KLF17: variants seen among roughly 807,000 people sequenced by gnomAD.
The protein encoded by KLF17 is Krueppel-like factor 17.
A neutral mutation model predicts 34.2 loss-of-function variants in KLF17; 31 were observed. The observed-to-expected ratio is 0.91, with a 90% CI of 0.68 to 1.22. KLF17 has a LOEUF of 1.22. Among genes scored for constraint, KLF17 ranks in the 50% most tolerant of loss-of-function variants. The probability of loss-of-function intolerance (pLI) is 0.00; values close to 1 mark genes in which losing one functional copy is unlikely to be tolerated. For missense variants in KLF17, 478 were observed against 505.2 expected (o/e 0.95, Z 0.52); for synonymous variants, 179 against 186.7 (o/e 0.96, Z 0.34).
At chr1:44,084,061 C>A in the KLF17 span, among the ~76,000 whole-genome samples, 1 of 152,232 alleles carries the variant, frequency 6.6e-6, no homozygotes, top group Non-Finnish European at 1.5e-5. Context: ...TTGTGAATAT[C>A]TAGCAAAATC....
At chr1:44,092,043 A>AC in the KLF17 span, among the ~76,000 whole-genome samples, 1 of 150,948 alleles carries the variant, frequency 6.6e-6, no homozygotes, top group Non-Finnish European at 1.5e-5. Context: ...AAAAAAAAAA[A>AC]AAAAAACTTG....
rs562435448 is a variant in KLF17, at chr1:44,130,206, G to T, written c.925+10G>T. ...CAGCGCAAGCACACAGGTGAAGGAGGTGTCAGGTGGGGTGGGGATGGAGGA... is the reference window on the plus strand; with the variant it reads ...CAGCGCAAGCACACAGGTGAAGGAGTTGTCAGGTGGGGTGGGGATGGAGGA... On this transcript the variant is annotated intron_variant, in intron 2 of 3. Transcript: ENST00000372299. The T allele has an allele frequency of 2.8e-5, 44 of 1,599,368 alleles. No homozygotes were observed. Among genetic ancestry groups the T allele is most frequent in the Non-Finnish European group, 3.5e-5 (41 of 1,172,142 alleles).
At chr1:44,131,376 T>A (rs1468566558) in intron 3 of KLF17, among the ~76,000 whole-genome samples, 2 of 152,154 alleles carry the variant, frequency 1.3e-5, no homozygotes, top group Admixed American at 6.6e-5. Context: ...TTAAAACCCT[T>A]TAGTGACTCC....
the KLF17 span, among the ~76,000 whole-genome samples, chr1:44,048,834 T>C: frequency 6.6e-6 from 1 of 152,322 alleles, no homozygotes; most frequent in East Asian, 1.9e-4. Flanking sequence ...TCTTTGTTTT[T>C]ATGTGTGTAC....
chr1:44,061,609 A>C, the KLF17 span, among the ~76,000 whole-genome samples: 1 of 152,034 alleles, frequency 6.6e-6, no homozygotes, highest in Non-Finnish European at 1.5e-5. Context: ...CTGCCCCTTA[A>C]TTTGCATGTA....
chr1:44,127,721 T>TTCTC (rs2088042038), intron 1 of KLF17, among the ~76,000 whole-genome samples: 1 of 142,704 alleles, frequency 7.0e-6, no homozygotes, highest in African/African-American at 2.8e-5. Context: ...TCTTCTCTTT[T>TTCTC]CTTTCTTTCT....
the KLF17 span, among the ~76,000 whole-genome samples, chr1:44,067,308 A>G: frequency 3.3e-5 from 5 of 152,306 alleles, no homozygotes; most frequent in East Asian, 9.6e-4. Flanking sequence ...TTTAAACAGA[A>G]AGGGATGTAT....
intron 1 of KLF17, among the ~76,000 whole-genome samples, chr1:44,121,052 T>A (rs1162057917): frequency 1.3e-5 from 2 of 152,196 alleles, no homozygotes; most frequent in African/African-American, 2.4e-5. Flanking sequence ...AGAGTTTTTT[T>A]TAAAAAATGA....
chr1:44,095,364 C>T, the KLF17 span, among the ~76,000 whole-genome samples: 156 of 151,890 alleles, frequency 1.0e-3, 1 homozygote, highest in African/African-American at 3.3e-3. Flanking sequence ...TACAGGCATG[C>T]GCCACTGCAT....
At chr1:44,078,552 C>T in the KLF17 span, among the ~76,000 whole-genome samples, 1 of 151,974 alleles carries the variant, frequency 6.6e-6, no homozygotes, top group Non-Finnish European at 1.5e-5. Flanking sequence ...ATTCCCCTGC[C>T]TCAGCCCCCT....
At chr1:44,052,576 C>T in the KLF17 span, among the ~76,000 whole-genome samples, 28 of 152,236 alleles carry the variant, frequency 1.8e-4, no homozygotes, top group Non-Finnish European at 4.4e-5. Context: ...GGAATTTAGG[C>T]CAACATTCTG....
At chr1:44,089,456 A>G in the KLF17 span, among the ~76,000 whole-genome samples, 1 of 152,174 alleles carries the variant, frequency 6.6e-6, no homozygotes. Context: ...CCTTTCTACC[A>G]GCTACGGATT....
At chr1:44,083,848 ATCT>A in the KLF17 span, among the ~76,000 whole-genome samples, 5 of 151,470 alleles carry the variant, frequency 3.3e-5, no homozygotes, top group East Asian at 1.9e-4. Context: ...TGAGGCAGAC[ATCT>A]TCTCAAGCTG....
the KLF17 span, chr1:44,088,107 T>TTTTTTTTATTTATTTA: frequency 2.7e-5 from 5 of 182,524 alleles, no homozygotes; most frequent in African/African-American, 1.2e-4. Flanking sequence ...GCACTCTTAT[T>TTTTTTTTATTTATTTA]TTTATTTATT....
the KLF17 span, among the ~76,000 whole-genome samples, chr1:44,055,934 G>A: frequency 2.6e-5 from 4 of 152,150 alleles, no homozygotes; most frequent in East Asian, 1.9e-4. Flanking sequence ...CCAATAGTTC[G>A]CAATCCTTAC....
chr1:44,102,565 T>TACACACACAC, the KLF17 span, among the ~76,000 whole-genome samples: 89 of 89,310 alleles, frequency 1.0e-3, no homozygotes, highest in East Asian at 4.8e-3. Context: ...CACATACACA[T>TACACACACAC]ACACACACAC....
In KLF17 at chr1:44,130,508, C is replaced by A. The variant is rs567254589; in HGVS notation, c.926-4C>A. 1 of 1,614,062 alleles carries A rather than the reference C, an allele frequency of 6.2e-7. No individual in the cohort carries two copies. The highest frequency in any genetic ancestry group is 2.2e-5 in the East Asian group (1 of 44,882). On this transcript the variant is annotated splice_polypyrimidine_tract_variant and splice_region_variant and intron_variant, in intron 2 of 3. Transcript: ENST00000372299. ...AAATTCCATCTCTCCCTTGTCATTC[C>A]CAGGTGAGAGGCCATATTCTTGCAA...
At chr1:44,044,373 G>T in the KLF17 span, among the ~76,000 whole-genome samples, 3 of 152,198 alleles carry the variant, frequency 2.0e-5, no homozygotes, top group African/African-American at 7.2e-5. Context: ...GGGACATGGG[G>T]TTATTTGTAG....
chr1:44,075,943 T>A, the KLF17 span: 1 of 152,228 alleles, frequency 6.6e-6, no homozygotes, highest in Non-Finnish European at 1.5e-5. Flanking sequence ...GGTATTACAT[T>A]TTCAACTTTA....
Sources: allele counts gnomAD v4.1 joint callset (sites outside exome capture counted in the v4.1 genomes callset), GRCh38; gene constraint gnomAD v4.1.1; transcripts MANE v1.5; gene names NCBI Gene and HGNC (gene_info 2026-07-23, HGNC 2026-07-21).